The following NOMO1 variants were observed in gnomAD, a reference collection of about 807,000 sequenced individuals.
NOMO1 encodes NODAL modulator 1.
NOMO1 carries 40 observed loss-of-function variants against 133.8 expected under a neutral mutation model. The observed-to-expected ratio is 0.30, with a 90% confidence interval of 0.23 to 0.39. NOMO1 has a LOEUF of 0.39. NOMO1 is among the 10% of genes least tolerant of loss of function. The pLI is 1.00. For synonymous variants in NOMO1, 236 were observed against 570.5 expected (o/e 0.41, Z 8.36); for missense variants, 462 against 1,419.9 (o/e 0.33, Z 10.84).
At chr16:14,871,445 C>T (rs952762400) in intron 16 of NOMO1, among the ~76,000 whole-genome samples, 176 bp from the exon 17 acceptor site, 2 of 152,088 alleles carry the variant, frequency 1.3e-5, no homozygotes, top group African/African-American at 4.8e-5. Context: ...ATTGGTAAGA[C>T]GCCTTCATAG....
At chr16:14,864,374 G>T (rs1479547306) in intron 12 of NOMO1, among the ~76,000 whole-genome samples, 3 of 151,958 alleles carry the variant, frequency 2.0e-5, no homozygotes, top group Non-Finnish European at 2.9e-5. Flanking sequence ...ACATCGGTCT[G>T]TTGAGGCTAA....
At position 14,876,696 on chromosome 16, in the gene NOMO1, C is replaced by A; in HGVS notation, c.2549C>A (p.Thr850Lys). The A allele has an allele frequency of 6.2e-7, 1 of 1,610,716 alleles. No homozygotes were observed. Residue 850 changes from threonine (T) to lysine (K), a missense_variant, in exon 22 of 31, where the codon ACG (threonine) becomes AAG (lysine). Thr to Lys is a moderately conservative substitution (Grantham distance 78). Coordinates refer to ENST00000287667, the MANE Select transcript of NOMO1 (RefSeq NM_014287.4). Reference sequence around the variant, plus strand: ...CCCCTGCACAGTGACCTGGAGTACACGGTGACCTCACAGAAGGAGGGCTAT... The same window carrying A: ...CCCCTGCACAGTGACCTGGAGTACAAGGTGACCTCACAGAAGGAGGGCTAT... ...VGPLHSDLEY[T>K]VTSQKEGYVL...
At chr16:14,859,553 G>A (rs987761125) in intron 11 of NOMO1, among the ~76,000 whole-genome samples, 1 of 151,954 alleles carries the variant, frequency 6.6e-6, no homozygotes, top group African/African-American at 2.4e-5. Flanking sequence ...CCTCACACCT[G>A]TAATCCATCC....
chr16:14,870,685 T>C (rs1312998986), intron 16 of NOMO1, among the ~76,000 whole-genome samples: 1 of 148,512 alleles, frequency 6.7e-6, no homozygotes, highest in Non-Finnish European at 1.5e-5. Flanking sequence ...CCAGGGCCAC[T>C]TAGGCCTGCC....
At chr16:14,868,832 A>G (rs982728303) in intron 16 of NOMO1, among the ~76,000 whole-genome samples, 197 bp downstream of exon 16, 4 of 151,226 alleles carry the variant, frequency 2.6e-5, no homozygotes, top group Admixed American at 6.6e-5. Flanking sequence ...ACCTCCAAAA[A>G]TATACCATTG....
At chr16:14,892,761 C>T (rs1324095423) in intron 29 of NOMO1, among the ~76,000 whole-genome samples, 1 of 151,224 alleles carries the variant, frequency 6.6e-6, no homozygotes, top group Non-Finnish European at 1.5e-5. Context: ...GTGTGCCATT[C>T]CTCCCATTTT....
At chr16:14,887,455 G>T (rs574451689) in intron 28 of NOMO1, among the ~76,000 whole-genome samples, 2 of 151,780 alleles carry the variant, frequency 1.3e-5, no homozygotes, top group Non-Finnish European at 2.9e-5. Flanking sequence ...CACCACACCC[G>T]GCTAATTCTT....
intron 22 of NOMO1, among the ~76,000 whole-genome samples, 165 bp from the exon 23 acceptor site, chr16:14,878,556 T>TA (rs1241205964): frequency 4.1e-5 from 6 of 144,906 alleles, no homozygotes; most frequent in Non-Finnish European, 7.6e-5. Flanking sequence ...TTACAAAACT[T>TA]ACAACAGTAG....
At chr16:14,883,480 C>T (rs1964274955) in intron 26 of NOMO1, among the ~76,000 whole-genome samples, 2 of 151,744 alleles carry the variant, frequency 1.3e-5, no homozygotes, top group Non-Finnish European at 2.9e-5. Flanking sequence ...TACAGGCACA[C>T]ACCATCACAC....
At chr16:14,847,980 C>T (rs943457833) in intron 5 of NOMO1, among the ~76,000 whole-genome samples, 2 of 151,518 alleles carry the variant, frequency 1.3e-5, no homozygotes, top group African/African-American at 4.9e-5. Flanking sequence ...CTTCTGAATA[C>T]CTTTCATCTG....
chr16:14,887,570 G>A (rs961306689), intron 28 of NOMO1, among the ~76,000 whole-genome samples: 8 of 151,720 alleles, frequency 5.3e-5, no homozygotes, highest in Non-Finnish European at 1.0e-4. Flanking sequence ...AAAGTGCTGA[G>A]ATTACAGGCG....
chr16:14,889,545 A>AG, intron 29 of NOMO1, among the ~76,000 whole-genome samples: 1 of 152,026 alleles, frequency 6.6e-6, no homozygotes, highest in Admixed American at 6.5e-5. Flanking sequence ...AAGAAAAAAA[A>AG]CAAAACAAAA....
intron 18 of NOMO1, among the ~76,000 whole-genome samples, chr16:14,874,034 CCCTCTGGGGT>C (rs1964117260): frequency 4.7e-5 from 2 of 42,384 alleles, no homozygotes; most frequent in South Asian, 9.4e-4. Flanking sequence ...GGTCTGACCC[CCCTCTGGGGT>C]CACTGTAGCA....
chr16:14,842,087 A>G (rs1963612008), intron 3 of NOMO1, among the ~76,000 whole-genome samples: 2 of 151,978 alleles, frequency 1.3e-5, no homozygotes. Context: ...TTCCTCATAT[A>G]ACTGCCTTCA....
At chr16:14,895,228 A>C (rs1379108568) in intron 30 of NOMO1, 138 bp downstream of exon 30, 2 of 959,492 alleles carry the variant, frequency 2.1e-6, no homozygotes, top group African/African-American at 3.5e-5. Context: ...TGAAGGCCTC[A>C]AGTCCAGACT....
chr16:14,860,880 G>C (rs1364759370), intron 11 of NOMO1, among the ~76,000 whole-genome samples: 1 of 150,578 alleles, frequency 6.6e-6, no homozygotes, highest in Admixed American at 6.6e-5. Context: ...TTTGAGACAG[G>C]GTCTTACTCC....
intron 26 of NOMO1, 149 bp downstream of exon 26, chr16:14,882,826 C>A: frequency 2.0e-6 from 3 of 1,511,686 alleles, no homozygotes; most frequent in Non-Finnish European, 2.7e-6. Context: ...GTCATCTTCA[C>A]AAGCAGCATC....
intron 26 of NOMO1, 71 bp from the exon 27 acceptor site, chr16:14,884,301 C>T: frequency 7.0e-7 from 1 of 1,435,562 alleles, no homozygotes; most frequent in Non-Finnish European, 9.6e-7. Flanking sequence ...GCTCTCAGGC[C>T]ATCGGACAGC....
chr16:14,885,026 C>G (rs1372443170), intron 27 of NOMO1, among the ~76,000 whole-genome samples: 6 of 152,092 alleles, frequency 3.9e-5, no homozygotes, highest in African/African-American at 1.4e-4. Context: ...TGGGAGCAGG[C>G]ATGTCATGTG....
Sources: allele counts gnomAD v4.1 joint callset (sites outside exome capture counted in the v4.1 genomes callset), GRCh38; gene constraint gnomAD v4.1.1; transcripts MANE v1.5; gene names NCBI Gene and HGNC (gene_info 2026-07-23, HGNC 2026-07-21).